Variants in CHSY3 observed in about 807,000 individuals in gnomAD.
CHSY3 encodes the protein chondroitin sulfate synthase 3, also known as N-acetylgalactosaminyl-proteoglycan 3-beta-glucuronosyltransferase 3.
In CHSY3, 35 loss-of-function variants were observed where a neutral mutation model predicts 67.2. That is an observed-to-expected ratio of 0.52 (90% confidence interval 0.40 to 0.69). CHSY3 has a LOEUF of 0.69. Ranked by LOEUF, CHSY3 falls within the 30% of genes least tolerant of loss-of-function variation. The pLI, the probability that CHSY3 is intolerant of heterozygous loss-of-function variation, is 0.00. For synonymous variants in CHSY3, 474 were observed against 434.7 expected (o/e 1.09, Z -1.12); for missense variants, 1,069 against 1,138.5 (o/e 0.94, Z 0.88).
At chr5:130,125,224 A>G (rs537933539) in intron 2 of CHSY3, among the ~76,000 whole-genome samples, 3 of 152,294 alleles carry the variant, frequency 2.0e-5, no homozygotes, top group African/African-American at 7.2e-5. Flanking sequence ...TTATCACTTA[A>G]GATTGGACAG....
rs932405713 is a variant in CHSY3, at chr5:129,954,879, A to AT, written c.1086+46526dup. ...CCTGTATCTTCTTAAATATATATAT[A>AT]TTTTTTTGAGATGGAGTCTCGCTCT... On this transcript the variant is annotated intron_variant, in intron 2 of 2. Coordinates refer to ENST00000305031, the MANE Select transcript of CHSY3 (RefSeq NM_175856.5). 3.3e-5 allele frequency among the ~76,000 whole-genome samples: 5 copies of AT among 151,782 alleles called. 1 individual carries two copies. The South Asian group carries it at 8.3e-4, about 25-fold the overall frequency.
intron 2 of CHSY3, among the ~76,000 whole-genome samples, chr5:130,079,783 A>G (rs1277920783): frequency 6.6e-6 from 1 of 152,090 alleles, no homozygotes; most frequent in African/African-American, 2.4e-5. Flanking sequence ...CACAAGTTTT[A>G]TATGTGCAGC....
chr5:130,177,732 T>A lies in CHSY3; in HGVS notation c.1087-6497T>A, dbSNP rs372368606. 1.1e-4 allele frequency among the ~76,000 whole-genome samples: 17 copies of A among 152,218 alleles called. 1 individual carries two copies. Among genetic ancestry groups the A allele is most frequent in the Admixed American group, 6.5e-4 (10 of 15,278 alleles). ...GTGGTGTGCTTCATATGGGTCTAAT[T>A]TCATCGGATTTAGCTTTTATAGAAT... On this transcript the variant is annotated intron_variant, in intron 2 of 2. Coordinates refer to ENST00000305031, the MANE Select transcript of CHSY3 (RefSeq NM_175856.5).
intron 2 of CHSY3, among the ~76,000 whole-genome samples, chr5:130,176,777 TG>T (rs1466474892): frequency 2.0e-5 from 3 of 152,008 alleles, no homozygotes; most frequent in Non-Finnish European, 4.4e-5. Context: ...TCACTAATAG[TG>T]GGAGTTGAAC....
chr5:129,938,856 C>A (rs554189957), intron 2 of CHSY3, among the ~76,000 whole-genome samples: 2 of 152,278 alleles, frequency 1.3e-5, no homozygotes, highest in South Asian at 4.1e-4. Flanking sequence ...TCTTCTGAGC[C>A]CTGCAGCCTG....
chr5:129,998,170 T>G (rs1348715146), intron 2 of CHSY3, among the ~76,000 whole-genome samples: 1 of 152,190 alleles, frequency 6.6e-6, no homozygotes, highest in Non-Finnish European at 1.5e-5. Flanking sequence ...CTCCAGCATC[T>G]GTTGAGAAAC....
chr5:129,980,312 T>C (rs1040200006), intron 2 of CHSY3, among the ~76,000 whole-genome samples: 9 of 152,222 alleles, frequency 5.9e-5, no homozygotes, highest in Non-Finnish European at 1.0e-4. Context: ...TTGTTTTAAT[T>C]TGTATTTCCT....
chr5:129,980,208 C>A (rs939102302), intron 2 of CHSY3, among the ~76,000 whole-genome samples: 4 of 152,200 alleles, frequency 2.6e-5, no homozygotes, highest in African/African-American at 9.6e-5. Context: ...TTGCACTCAT[C>A]CCAGCAATAA....
At chr5:129,909,931 A>G (rs900003199) in intron 2 of CHSY3, among the ~76,000 whole-genome samples, 2 of 152,022 alleles carry the variant, frequency 1.3e-5, no homozygotes, top group Non-Finnish European at 2.9e-5. Flanking sequence ...AACATAATAT[A>G]TAAAATTTTA....
chr5:129,990,541 T>C (rs753017635), intron 2 of CHSY3, among the ~76,000 whole-genome samples: 11 of 152,178 alleles, frequency 7.2e-5, no homozygotes, highest in Non-Finnish European at 1.2e-4. Flanking sequence ...ATAAGTAATA[T>C]ATTAACAAAC....
rs148361189 is a variant in CHSY3, at chr5:130,183,635, T to C, written c.1087-594T>C. On this transcript the variant is annotated intron_variant, in intron 2 of 2. Transcript: ENST00000305031. Reference sequence around the variant, plus strand: ...TGTTTTATGTATAGCTAGAGGTTCATTTGCAATATTTGAGCCTATGAACCT... The same window carrying C: ...TGTTTTATGTATAGCTAGAGGTTCACTTGCAATATTTGAGCCTATGAACCT... Among the ~76,000 whole-genome samples the C allele has an allele frequency of 4.0e-3, 611 of 152,242 alleles. 8 individuals carry two copies. The highest frequency in any genetic ancestry group is 0.013 in the African/African-American group (554 of 41,546).
chr5:130,079,963 T>C (rs1295502987), intron 2 of CHSY3, among the ~76,000 whole-genome samples: 1 of 151,834 alleles, frequency 6.6e-6, no homozygotes, highest in Non-Finnish European at 1.5e-5. Flanking sequence ...TTTTTGTTTG[T>C]TTGTTTTCTG....
chr5:129,957,397 T>C (rs1179377451), intron 2 of CHSY3, among the ~76,000 whole-genome samples: 2 of 152,144 alleles, frequency 1.3e-5, no homozygotes, highest in African/African-American at 2.4e-5. Context: ...TATGGAATTA[T>C]GTTGTCTGCA....
At chr5:129,985,613 G>T (rs1763175805) in intron 2 of CHSY3, among the ~76,000 whole-genome samples, 1 of 151,706 alleles carries the variant, frequency 6.6e-6, no homozygotes. Context: ...AAATTCCTTT[G>T]TGCAGTATGG....
At chr5:130,037,950 T>G (rs1764907336) in intron 2 of CHSY3, among the ~76,000 whole-genome samples, 1 of 152,088 alleles carries the variant, frequency 6.6e-6, no homozygotes, top group Non-Finnish European at 1.5e-5. Context: ...CTCTTGACCC[T>G]TAATTTGTGG....
intron 2 of CHSY3, among the ~76,000 whole-genome samples, chr5:129,911,310 G>C (rs1760538822): frequency 6.6e-6 from 1 of 152,114 alleles, no homozygotes; most frequent in South Asian, 2.1e-4. Flanking sequence ...TGTTGTAAAA[G>C]AGAAAGAGAG....
chr5:130,078,036 A>G (rs1444052104), intron 2 of CHSY3, among the ~76,000 whole-genome samples: 3 of 152,106 alleles, frequency 2.0e-5, no homozygotes, highest in African/African-American at 7.2e-5. Context: ...CTGTATTACA[A>G]TACTTTGAAG....
chr5:129,970,076 A>G (rs1413669198), intron 2 of CHSY3, among the ~76,000 whole-genome samples: 1 of 151,744 alleles, frequency 6.6e-6, no homozygotes, highest in African/African-American at 2.4e-5. Flanking sequence ...TTAGTTCCCC[A>G]CTTGAAGGAG....
intron 2 of CHSY3, among the ~76,000 whole-genome samples, chr5:130,015,505 A>G (rs1390629874): frequency 1.3e-5 from 2 of 152,232 alleles, no homozygotes; most frequent in Non-Finnish European, 2.9e-5. Flanking sequence ...GTCACTGATC[A>G]TTAGGGAAAT....
Sources: gnomAD v4.1 joint callset for allele counts (sites outside exome capture counted in the v4.1 genomes callset) on GRCh38, gnomAD v4.1.1 for gene constraint, MANE v1.5 for transcripts, NCBI Gene and HGNC (gene_info 2026-07-23, HGNC 2026-07-21) for gene names.